The following IDH2 variants were observed in gnomAD, a reference collection of about 807,000 sequenced individuals.
The protein encoded by IDH2 is isocitrate dehydrogenase [NADP], mitochondrial.
Under a neutral mutation model 50.5 loss-of-function variants are expected in IDH2, and 18 were observed. That is an observed-to-expected ratio of 0.36 (90% confidence interval 0.25 to 0.53). The LOEUF is 0.53. Ranked by LOEUF, IDH2 falls within the 20% of genes least tolerant of loss-of-function variation. The probability of loss-of-function intolerance (pLI) is 0.92; values close to 1 mark genes in which losing one functional copy is unlikely to be tolerated. For synonymous variants in IDH2, 280 were observed against 239.8 expected (o/e 1.17, Z -1.55); for missense variants, 518 against 610.7 (o/e 0.85, Z 1.60).
At chr15:90,089,972 C>T (rs935601371) in intron 3 of IDH2, among the ~76,000 whole-genome samples, 3 of 149,648 alleles carry the variant, frequency 2.0e-5, no homozygotes, top group East Asian at 1.9e-4. Flanking sequence ...ACAGGCCTTA[C>T]ACACAGCACT....
At chr15:90,090,247 C>T (rs758451642) in intron 3 of IDH2, among the ~76,000 whole-genome samples, 7 of 152,210 alleles carry the variant, frequency 4.6e-5, no homozygotes, top group African/African-American at 1.4e-4. Flanking sequence ...CCCTTACCCA[C>T]GCCTGCCCCA....
rs1209495241 is a variant in IDH2, at chr15:90,091,558, C to T, written c.202G>A (p.Glu68Lys). Reference protein sequence around the residue: ...MTRIIWQFIKEKLILPHVDIQ... With the variant: ...MTRIIWQFIKKKLILPHVDIQ... ...ACTTCAGGAGGGGGCACTACCTTCT[C>T]CTTGATGAACTGCCAGATAATACGG... Residue 68 changes from glutamate (E) to lysine (K), a missense_variant, in exon 2 of 11, where the codon GAG becomes AAG. Glu to Lys is a moderately conservative substitution (Grantham distance 56). Coordinates refer to ENST00000330062, the MANE Select transcript of IDH2 (RefSeq NM_002168.4). 1 of 1,613,678 alleles carries T rather than the reference C, an allele frequency of 6.2e-7. No homozygotes were observed. The highest frequency in any genetic ancestry group is 1.3e-5 in the African/African-American group (1 of 74,940).
chr15:90,093,504 C>A (rs775960128), intron 1 of IDH2, among the ~76,000 whole-genome samples: 1 of 152,176 alleles, frequency 6.6e-6, no homozygotes, highest in African/African-American at 2.4e-5. Context: ...GTATTGAGTG[C>A]CTACTATGTG....
In IDH2 at chr15:90,084,695, G is replaced by A; in HGVS notation, c.1271+121C>T. The A allele has an allele frequency of 1.2e-6, 1 of 839,858 alleles. No homozygotes were observed. Among genetic ancestry groups the A allele is most frequent in the Non-Finnish European group, 2.0e-6 (1 of 491,656 alleles). The allele number at this position is 839,858 out of a possible 1,614,324, so 52.0% of individuals were successfully genotyped here. On this transcript the variant is annotated intron_variant, in intron 10 of 10. Coordinates refer to ENST00000330062, the MANE Select transcript of IDH2 (RefSeq NM_002168.4). The surrounding 1 kb of genome is among the most constrained non-coding windows in gnomAD (Gnocchi z 5.0). ...GGCCTGAGCAGTCTCTCAGGGCTGT[G>A]GACATGTCCTGCCCCAGGCCCCCTT...
rs1901350586 is a variant in IDH2, at chr15:90,102,158, T to C, written c.115+118A>G. 2.4e-5 allele frequency: 9 copies of C among 378,340 alleles called. No homozygotes were observed. In the East Asian group the frequency reaches 4.0e-4, roughly 17 times the overall value. The allele number at this position is 378,340 out of a possible 1,614,324, so 23.4% of individuals were successfully genotyped here. ...GCTGCCCCGCGGCCCTTTGTGCGCCTGACCCCGCCGTCCCCGGGCTGCGGG... is the reference window on the plus strand; with the variant it reads ...GCTGCCCCGCGGCCCTTTGTGCGCCCGACCCCGCCGTCCCCGGGCTGCGGG... On this transcript the variant is annotated intron_variant, in intron 1 of 10. Transcript: ENST00000330062.
At chr15:90,095,268 G>T (rs547109341) in intron 1 of IDH2, among the ~76,000 whole-genome samples, 77 of 152,158 alleles carry the variant, frequency 5.1e-4, no homozygotes, top group Middle Eastern at 3.4e-3. Context: ...GAGAACAAAA[G>T]GTGGCTGGCT....
At position 90,085,416 on chromosome 15, in the gene IDH2, G is replaced by C. The variant is rs1333028827; in HGVS notation, c.968-29C>G. The C allele has an allele frequency of 2.7e-6, 4 of 1,475,626 alleles. No homozygotes were observed. Among genetic ancestry groups the C allele is most frequent in the East Asian group, 2.5e-5 (1 of 40,614 alleles). The allele number at this position is 1,475,626 out of a possible 1,614,324, so 91.4% of individuals were successfully genotyped here. ...GAGGGTAGAAAGCCTTTCTCTCAGG[G>C]CCTCGCCTCTCCTGGGGCCACCCAG... On this transcript the variant is annotated intron_variant, in intron 7 of 10. Transcript: ENST00000330062. The surrounding 1 kb of genome is among the most constrained non-coding windows in gnomAD (Gnocchi z 5.5).
rs906576308 is a variant in IDH2 at position 90,085,231 on chromosome 15, C to G, written c.1080+44G>C. 32 of 1,523,202 alleles carry G rather than the reference C, an allele frequency of 2.1e-5. No homozygotes were observed. The highest frequency in any genetic ancestry group is 2.7e-5 in the Non-Finnish European group (30 of 1,113,710). 94.4% of individuals were successfully genotyped at this position (1,523,202 alleles called of 1,614,324 possible). A position where few individuals can be genotyped will look rare whatever the true frequency, so the allele number is the denominator to read the frequency against. Reference sequence around the variant, plus strand: ...CCCTCAGCCCAGTGGGCTTTAGGCCCCTGGGGTAGAGGGGCATTGTGAGGC... The same window carrying G: ...CCCTCAGCCCAGTGGGCTTTAGGCCGCTGGGGTAGAGGGGCATTGTGAGGC... On this transcript the variant is annotated intron_variant, in intron 8 of 10. Transcript: ENST00000330062. This position sits in a 1 kb window ranked among gnomAD's most constrained non-coding sequence, Gnocchi z 5.5.
intron 5 of IDH2, 72 bp from the exon 6 acceptor site, chr15:90,087,647 G>A: frequency 1.3e-6 from 2 of 1,587,072 alleles, no homozygotes; most frequent in Non-Finnish European, 1.7e-6. Flanking sequence ...CCACCTCCCA[G>A]GGCAAGGCCC....
intron 3 of IDH2, among the ~76,000 whole-genome samples, chr15:90,089,905 C>A (rs970161168): frequency 4.6e-5 from 7 of 152,184 alleles, no homozygotes; most frequent in African/African-American, 1.4e-4. Context: ...CAAGGCCAAG[C>A]CAGTGGCAGG....
In IDH2 at chr15:90,098,527, C is replaced by CATGTATGTATGTATGT. The variant is rs1567259685; in HGVS notation, c.115+3748_115+3749insACATACATACATACAT. Among the ~76,000 whole-genome samples the CATGTATGTATGTATGT allele has an allele frequency of 6.9e-6, 1 of 144,662 alleles. No homozygotes were observed. The highest frequency in any genetic ancestry group is 2.6e-5 in the African/African-American group (1 of 38,982). 94.9% of individuals were successfully genotyped at this position (144,662 alleles called of 152,430 possible). Reference sequence around the variant, plus strand: ...TTATGTATGTATGTATGTATGTATGCATGCATGTATGTATGTATGTATGTA... The same window carrying CATGTATGTATGTATGT: ...TTATGTATGTATGTATGTATGTATGCATGTATGTATGTATGTATGCATGTATGTATGTATGTATGTA... On this transcript the variant is annotated intron_variant, in intron 1 of 10. Transcript: ENST00000330062. The surrounding 1 kb of genome is among the most constrained non-coding windows in gnomAD (Gnocchi z 5.1).
Position 90,088,429 on chromosome 15 carries a change from C to T in IDH2, c.608G>A (p.Gly203Asp), listed in dbSNP as rs766888561. 12 of 1,614,120 alleles carry T rather than the reference C, an allele frequency of 7.4e-6. No homozygotes were observed. The highest frequency in any genetic ancestry group is 2.2e-5 in the South Asian group (2 of 91,092). The change falls in exon 5 of 11, where the codon GGT becomes GAT. Residue 203 changes from glycine (G) to aspartate (D), a missense_variant. Transcript: ENST00000330062. ...GTTGTACACTTCCCACTCCTTGACACCACTGCCATCTTTTGGGGTGAAGAC... is the reference window on the plus strand; with the variant it reads ...GTTGTACACTTCCCACTCCTTGACATCACTGCCATCTTTTGGGGTGAAGAC... ...KMVFTPKDGS[G>D]VKEWEVYNFP...
chr15:90,096,231 T>A (rs1052210983), intron 1 of IDH2, among the ~76,000 whole-genome samples: 2 of 151,594 alleles, frequency 1.3e-5, no homozygotes, highest in Non-Finnish European at 2.9e-5. Flanking sequence ...ACCCAGGAGG[T>A]GGAGGTTGCA....
Position 90,085,111 on chromosome 15 carries a change from G to T in IDH2, c.1081-13C>A, listed in dbSNP as rs112703257. On this transcript the variant is annotated splice_polypyrimidine_tract_variant and intron_variant, in intron 8 of 10. Coordinates refer to ENST00000330062, the MANE Select transcript of IDH2 (RefSeq NM_002168.4). This position sits in a 1 kb window ranked among gnomAD's most constrained non-coding sequence, Gnocchi z 5.5. ...TGGTGGGCCGGCCCTGGGGACGGGGGTTGCAGGGAGATCAAGAGCCGAGCC... is the reference window on the plus strand; with the variant it reads ...TGGTGGGCCGGCCCTGGGGACGGGGTTTGCAGGGAGATCAAGAGCCGAGCC... 6.2e-7 allele frequency: 1 copy of T among 1,612,140 alleles called. No individual in the cohort carries two copies. The highest frequency in any genetic ancestry group is 8.5e-7 in the Non-Finnish European group (1 of 1,178,762).
intron 5 of IDH2, 135 bp downstream of exon 5, chr15:90,088,224 G>T: frequency 1.7e-6 from 2 of 1,159,092 alleles, no homozygotes; most frequent in Non-Finnish European, 2.6e-6. Context: ...CAGCCACCAT[G>T]CCCAGCCCTG....
In IDH2 at chr15:90,087,355, C is replaced by CT. The variant is rs1433658703; in HGVS notation, c.815+83dup. Reference sequence around the variant, plus strand: ...GCCTCGGAGCTGAGCCAAATGCACTCTAATAGCGACCTTCCCAGGGTAGGA... The same window carrying CT: ...GCCTCGGAGCTGAGCCAAATGCACTCTTAATAGCGACCTTCCCAGGGTAGGA... On this transcript the variant is annotated intron_variant, in intron 6 of 10. Transcript: ENST00000330062. 7 of 1,612,714 alleles carry CT rather than the reference C, an allele frequency of 4.3e-6. No individual in the cohort carries two copies. The African/African-American group carries it at 8.0e-5, about 18-fold the overall frequency.
At position 90,090,444 on chromosome 15, in the gene IDH2, C is replaced by T. The variant is rs1477620303; in HGVS notation, c.373+35G>A. 2.5e-6 allele frequency: 4 copies of T among 1,609,150 alleles called. No homozygotes were observed. In the African/African-American group the frequency reaches 4.0e-5, roughly 16 times the overall value. On this transcript the variant is annotated intron_variant, in intron 3 of 10. Coordinates refer to ENST00000330062, the MANE Select transcript of IDH2 (RefSeq NM_002168.4). The stretch of plus-strand genomic sequence containing the variant: ...AGAGGCCGGTGGGAGAAGCCTGTGA[C>T]CCTCCCTGGCCCGCCCACCTCCACA...
chr15:90,096,808 G>T (rs558521523), intron 1 of IDH2, among the ~76,000 whole-genome samples: 12 of 152,184 alleles, frequency 7.9e-5, no homozygotes, highest in African/African-American at 2.9e-4. Flanking sequence ...CAGCTACTGG[G>T]GAGGCTGAGG....
In IDH2 at chr15:90,084,997, T is replaced by C; in HGVS notation, c.1178+4A>G. 1 of 1,613,700 alleles carries C rather than the reference T, an allele frequency of 6.2e-7. No individual in the cohort carries two copies. Among genetic ancestry groups the C allele is most frequent in the East Asian group, 2.2e-5 (1 of 44,880 alleles). ...GCAGCTCCGGCCTCTCCCTCCATGC[T>C]CACCTGATGAGGTCTTGGTTCCCAT... On this transcript the variant is annotated splice_donor_region_variant and intron_variant, in intron 9 of 10. Transcript: ENST00000330062. This position sits in a 1 kb window ranked among gnomAD's most constrained non-coding sequence, Gnocchi z 5.0.
Sources: gnomAD v4.1 joint callset for allele counts (sites outside exome capture counted in the v4.1 genomes callset) on GRCh38, gnomAD v4.1.1 for gene constraint, Gnocchi (gnomAD v3.1) non-coding constraint, MANE v1.5 for transcripts, NCBI Gene and HGNC (gene_info 2026-07-23, HGNC 2026-07-21) for gene names.